Variants in SORBS2 observed in about 807,000 individuals in gnomAD.
The protein encoded by SORBS2 is sorbin and SH3 domain containing 2.
SORBS2 carries 46 observed loss-of-function variants against 97.7 expected under a neutral mutation model. That is an observed-to-expected ratio of 0.47 (90% confidence interval 0.37 to 0.60). The LOEUF (loss-of-function observed/expected upper bound fraction) is 0.60. SORBS2 is among the 20% of genes least tolerant of loss of function. The pLI is 0.00. For missense variants in SORBS2, 1,316 were observed against 1,282.3 expected (o/e 1.03, Z -0.40); for synonymous variants, 476 against 473.4 (o/e 1.01, Z -0.07).
At chr4:185,741,385 T>C (rs2098724207) in intron 2 of SORBS2, among the ~76,000 whole-genome samples, 1 of 147,046 alleles carries the variant, frequency 6.8e-6, no homozygotes, top group Non-Finnish European at 1.5e-5. Flanking sequence ...CTTTTCTTTC[T>C]TTCTTTTCTT....
chr4:185,786,310 A>G (rs768742472), intron 1 of SORBS2, among the ~76,000 whole-genome samples: 13 of 152,238 alleles, frequency 8.5e-5, no homozygotes, highest in African/African-American at 3.1e-4. Flanking sequence ...TAAGTAGAGA[A>G]GGCTAAAGAG....
At chr4:185,742,267 A>G (rs2098732097) in intron 2 of SORBS2, among the ~76,000 whole-genome samples, 1 of 152,194 alleles carries the variant, frequency 6.6e-6, no homozygotes. Flanking sequence ...AACAAAGCAA[A>G]AACCACAGGC....
In SORBS2 at chr4:185,684,243, C is replaced by A. The variant is rs1236591437; in HGVS notation, c.-197-5421G>T. ...GAGTGGATGCTGAAATCTCGCACCC[C>A]CAGTGACTTCCTATCTGTGGGTACA... On this transcript the variant is annotated intron_variant, in intron 2 of 20. Transcript: ENST00000284776. The surrounding 1 kb of genome is among the most constrained non-coding windows in gnomAD (Gnocchi z 4.2). Among the ~76,000 whole-genome samples, 1 of 152,070 alleles carries A rather than the reference C, an allele frequency of 6.6e-6. No homozygotes were observed. Among genetic ancestry groups the A allele is most frequent in the Admixed American group, 6.5e-5 (1 of 15,274 alleles).
intron 9 of SORBS2, among the ~76,000 whole-genome samples, chr4:185,616,982 C>T (rs933215433): frequency 7.2e-5 from 11 of 152,286 alleles, no homozygotes; most frequent in Non-Finnish European, 1.3e-4. Flanking sequence ...CTTCTGACCT[C>T]GAGTGATCCA....
rs78941490 is a variant in SORBS2, at chr4:185,617,408, T to C, written c.2351+1177A>G. Reference sequence around the variant, plus strand: ...TTTTTCTTATCTAGTTCATTTCCTATCTCAGCAGCATTACCAAATTCTGAG... The same window carrying C: ...TTTTTCTTATCTAGTTCATTTCCTACCTCAGCAGCATTACCAAATTCTGAG... On this transcript the variant is annotated intron_variant, in intron 9 of 14. Transcript: ENST00000418609. Among the ~76,000 whole-genome samples, 739 of 152,320 alleles carry C rather than the reference T, an allele frequency of 4.9e-3. 7 individuals carry two copies. Among genetic ancestry groups the C allele is most frequent in the African/African-American group, 0.017 (712 of 41,578 alleles).
chr4:185,665,985 A>G lies in SORBS2; in HGVS notation c.-45-3743T>C, dbSNP rs1290739096. On this transcript the variant is annotated intron_variant, in intron 4 of 20. Coordinates refer to the SORBS2 transcript ENST00000284776. Reference sequence around the variant, plus strand: ...CTGGGAGCAGGTGTTTGTATAAGCAATGGGAAAGGCTCTGGGGATTATGCA... The same window carrying G: ...CTGGGAGCAGGTGTTTGTATAAGCAGTGGGAAAGGCTCTGGGGATTATGCA... The G allele has an allele frequency of 2.6e-5, 33 of 1,277,232 alleles. No homozygotes were observed. In the South Asian group the frequency reaches 3.5e-4, roughly 14 times the overall value. The allele number at this position is 1,277,232 out of a possible 1,614,324, so 79.1% of individuals were successfully genotyped here. A position where few individuals can be genotyped will look rare whatever the true frequency, so the allele number is the denominator to read the frequency against.
intron 1 of SORBS2, among the ~76,000 whole-genome samples, chr4:185,923,115 G>A (rs1350183706): frequency 1.3e-5 from 2 of 152,128 alleles, no homozygotes; most frequent in Admixed American, 6.5e-5. Flanking sequence ...TGTATGGGGG[G>A]AGCCCCACAC....
chr4:185,873,355 TG>T (rs2099231494), intron 1 of SORBS2, among the ~76,000 whole-genome samples: 3 of 152,334 alleles, frequency 2.0e-5, no homozygotes, highest in African/African-American at 4.8e-5. Flanking sequence ...TTCCTTCCCC[TG>T]AGTGCTAGCT....
At chr4:185,639,026 G>T in intron 4 of SORBS2, 2 of 1,515,828 alleles carry the variant, frequency 1.3e-6, no homozygotes, top group Non-Finnish European at 8.8e-7. Context: ...GGAGTTGTTG[G>T]GAGAGGGGGC....
chr4:185,662,995 A>C (rs910163748), intron 4 of SORBS2, among the ~76,000 whole-genome samples: 5 of 152,224 alleles, frequency 3.3e-5, no homozygotes, highest in Non-Finnish European at 7.3e-5. Flanking sequence ...TATTTTGTAT[A>C]ACATGCAGCC....
intron 1 of SORBS2, among the ~76,000 whole-genome samples, chr4:185,781,593 C>T (rs1385936831): frequency 3.3e-5 from 5 of 151,416 alleles, no homozygotes; most frequent in Non-Finnish European, 7.4e-5. Context: ...GCCCCTCCAG[C>T]CTCCCTTCCC....
intron 2 of SORBS2, among the ~76,000 whole-genome samples, chr4:185,755,594 C>T (rs7699216): frequency 0.32 from 48,414 of 152,072 alleles, 8,106 homozygotes; most frequent in African/African-American, 0.4. Flanking sequence ...TAGCAGGAGA[C>T]AGCACAATGA....
At chr4:185,818,099 G>A (rs968424861) in intron 1 of SORBS2, among the ~76,000 whole-genome samples, 27 of 152,334 alleles carry the variant, frequency 1.8e-4, no homozygotes, top group African/African-American at 5.5e-4. Flanking sequence ...TAAACTATGC[G>A]TGCTTGCAGA....
intron 4 of SORBS2, among the ~76,000 whole-genome samples, chr4:185,636,403 T>G (rs1478264180): frequency 6.6e-6 from 1 of 152,184 alleles, no homozygotes; most frequent in Non-Finnish European, 1.5e-5. Context: ...TGCAGTTTAA[T>G]GGACAAAAGA....
chr4:185,733,766 A>G (rs745422503), intron 2 of SORBS2, among the ~76,000 whole-genome samples: 1 of 152,144 alleles, frequency 6.6e-6, no homozygotes, highest in Non-Finnish European at 1.5e-5. Flanking sequence ...GAATTCAAAA[A>G]CAATCACTCT....
chr4:185,886,264 G>C (rs996651234), intron 1 of SORBS2, among the ~76,000 whole-genome samples: 2 of 152,044 alleles, frequency 1.3e-5, no homozygotes, highest in Admixed American at 1.3e-4. Flanking sequence ...AATAAGAAAA[G>C]TATACAATCC....
chr4:185,806,787 G>C (rs2099158841), intron 1 of SORBS2, among the ~76,000 whole-genome samples: 1 of 152,132 alleles, frequency 6.6e-6, no homozygotes, highest in Non-Finnish European at 1.5e-5. Context: ...TAGTTTGTTG[G>C]ACTCCTTGCG....
At chr4:185,797,204 G>A (rs1017722228) in intron 1 of SORBS2, among the ~76,000 whole-genome samples, 2 of 152,194 alleles carry the variant, frequency 1.3e-5, no homozygotes, top group Non-Finnish European at 2.9e-5. Flanking sequence ...TTTCAGATGC[G>A]TTCCAGACAC....
chr4:185,780,510 A>G (rs897554982), intron 1 of SORBS2, among the ~76,000 whole-genome samples: 3 of 152,154 alleles, frequency 2.0e-5, no homozygotes, highest in Non-Finnish European at 4.4e-5. Flanking sequence ...AAGCCCATAC[A>G]TTGAGTGACT....
Sources: gnomAD v4.1 joint callset for allele counts (sites outside exome capture counted in the v4.1 genomes callset) on GRCh38, gnomAD v4.1.1 for gene constraint, Gnocchi (gnomAD v3.1) non-coding constraint, MANE v1.5 for transcripts, NCBI Gene and HGNC (gene_info 2026-07-23, HGNC 2026-07-21) for gene names.